The following LRRTM4 variants were observed in gnomAD, a reference collection of about 807,000 sequenced individuals.
The protein encoded by LRRTM4 is leucine-rich repeat transmembrane neuronal protein 4.
A neutral mutation model predicts 47.6 loss-of-function variants in LRRTM4; 25 were observed. The observed-to-expected ratio is 0.53, with a 90% CI of 0.38 to 0.73. The LOEUF is 0.73. Among genes scored for constraint, LRRTM4 ranks in the 30% least tolerant of loss-of-function variants. The pLI is 0.00. For missense variants in LRRTM4, 638 were observed against 713.4 expected, an observed-to-expected ratio of 0.89 and a Z score of 1.20; for synonymous variants, 311 against 269.5, an observed-to-expected ratio of 1.15 and a Z score of -1.51.
At chr2:77,505,590 T>G (rs937041951) in intron 3 of LRRTM4, among the ~76,000 whole-genome samples, 15 of 151,526 alleles carry the variant, frequency 9.9e-5, no homozygotes, top group African/African-American at 3.6e-4. Context: ...TGTAGAAGTA[T>G]AATAAATAAG....
chr2:77,248,243 A>G (rs966467512), intron 3 of LRRTM4, among the ~76,000 whole-genome samples: 10 of 151,736 alleles, frequency 6.6e-5, no homozygotes, highest in Admixed American at 5.3e-4. Flanking sequence ...GTGTGTTTGT[A>G]TATGTTTTTA....
At chr2:76,932,057 T>C (rs992270323) in intron 3 of LRRTM4, among the ~76,000 whole-genome samples, 1 of 152,164 alleles carries the variant, frequency 6.6e-6, no homozygotes, top group African/African-American at 2.4e-5. Flanking sequence ...CTACTGTGTT[T>C]CTCCCATCTT....
chr2:76,993,286 G>C (rs979761237), intron 3 of LRRTM4, among the ~76,000 whole-genome samples: 5 of 151,646 alleles, frequency 3.3e-5, no homozygotes, highest in African/African-American at 1.2e-4. Flanking sequence ...CTAATTAAAG[G>C]AGCTTTTGCA....
chr2:77,169,764 C>T (rs974469689), intron 3 of LRRTM4, among the ~76,000 whole-genome samples: 1 of 152,162 alleles, frequency 6.6e-6, no homozygotes, highest in Non-Finnish European at 1.5e-5. Context: ...CCACATAAGT[C>T]TCTGTTCATT....
At chr2:77,303,940 T>C (rs890437925) in intron 3 of LRRTM4, among the ~76,000 whole-genome samples, 1 of 152,190 alleles carries the variant, frequency 6.6e-6, no homozygotes, top group African/African-American at 2.4e-5. Context: ...ATCTCATCAA[T>C]ATACTGACTT....
chr2:76,907,812 A>T (rs943200812), intron 3 of LRRTM4, among the ~76,000 whole-genome samples: 1 of 137,272 alleles, frequency 7.3e-6, no homozygotes, highest in African/African-American at 3.0e-5. Flanking sequence ...GAATCTCTGA[A>T]TAGACCAATA....
At chr2:77,126,053 G>T (rs1243582648) in intron 3 of LRRTM4, among the ~76,000 whole-genome samples, 2 of 151,592 alleles carry the variant, frequency 1.3e-5, no homozygotes, top group South Asian at 4.2e-4. Context: ...GGGTAGAAGT[G>T]AAATAAATGC....
chr2:76,852,155 G>A (rs952794869), intron 3 of LRRTM4, among the ~76,000 whole-genome samples: 1 of 152,016 alleles, frequency 6.6e-6, no homozygotes, highest in Non-Finnish European at 1.5e-5. Flanking sequence ...ATTGAAAATT[G>A]CACAATAAGA....
intron 3 of LRRTM4, among the ~76,000 whole-genome samples, chr2:76,795,804 AGGGAG>A (rs1170162465): frequency 2.6e-5 from 4 of 151,976 alleles, no homozygotes; most frequent in African/African-American, 9.7e-5. Flanking sequence ...AGAAAAGTGA[AGGGAG>A]GAGCCAAGAT....
intron 3 of LRRTM4, among the ~76,000 whole-genome samples, chr2:77,089,147 G>T (rs1680835757): frequency 6.6e-6 from 1 of 151,990 alleles, no homozygotes; most frequent in South Asian, 2.1e-4. Context: ...CGCTTTTCTG[G>T]GGAAGGGGCA....
At position 77,160,084 on chromosome 2, in the gene LRRTM4, C is replaced by A. The variant is rs558176245; in HGVS notation, c.1551+358234G>T. Among the ~76,000 whole-genome samples, 4 of 152,260 alleles carry A rather than the reference C, an allele frequency of 2.6e-5. No homozygotes were observed. In the East Asian group the frequency reaches 7.7e-4, roughly 29 times the overall value. ...TCTTGAATTTCTCCAAGATGCATAT[C>A]TTCAAACCTTTCAGCCCTCACCTTT... On this transcript the variant is annotated intron_variant, in intron 3 of 3. Transcript: ENST00000409884.
At chr2:76,974,493 A>G (rs1169012968) in intron 3 of LRRTM4, among the ~76,000 whole-genome samples, 1 of 150,138 alleles carries the variant, frequency 6.7e-6, no homozygotes, top group Non-Finnish European at 1.5e-5. Context: ...TATCTATACA[A>G]ACTTGTAATA....
intron 3 of LRRTM4, among the ~76,000 whole-genome samples, chr2:77,004,068 G>T (rs1677539174): frequency 6.6e-6 from 1 of 152,150 alleles, no homozygotes; most frequent in South Asian, 2.1e-4. Flanking sequence ...AAATTTCTAA[G>T]TAGCAAAGTG....
At chr2:77,360,522 GATACGATACGATACAATACA>G (rs1672161262) in intron 3 of LRRTM4, among the ~76,000 whole-genome samples, 1 of 143,940 alleles carries the variant, frequency 6.9e-6, no homozygotes, top group African/African-American at 2.6e-5. Flanking sequence ...GATACGATAC[GATACGATACGATACAATACA>G]ATCATTCATA....
intron 3 of LRRTM4, among the ~76,000 whole-genome samples, chr2:76,781,233 G>C (rs1674368729): frequency 6.6e-6 from 1 of 152,258 alleles, no homozygotes; most frequent in Admixed American, 6.5e-5. Context: ...CCCCAGAGGT[G>C]GAGCCTACAG....
Position 76,907,520 on chromosome 2 carries a change from C to CA in LRRTM4, c.1552-158605dup, listed in dbSNP as rs980992663. Reference sequence around the variant, plus strand: ...AGCAGAACTGAAGGAAATAGAGACACAAAAAACCCTTCAAAAAGTTAATGA... The same window carrying CA: ...AGCAGAACTGAAGGAAATAGAGACACAAAAAAACCCTTCAAAAAGTTAATGA... On this transcript the variant is annotated intron_variant, in intron 3 of 3. Transcript: ENST00000409884. Among the ~76,000 whole-genome samples, 102 of 146,300 alleles carry CA rather than the reference C, an allele frequency of 7.0e-4. 1 individual carries two copies. The highest frequency in any genetic ancestry group is 2.4e-3 in the Admixed American group (34 of 14,344).
chr2:77,222,470 A>G (rs1347264565), intron 3 of LRRTM4, among the ~76,000 whole-genome samples: 1 of 152,196 alleles, frequency 6.6e-6, no homozygotes, highest in African/African-American at 2.4e-5. Context: ...CAAGGTTAAT[A>G]AAGAAGAAAA....
intron 3 of LRRTM4, among the ~76,000 whole-genome samples, chr2:76,829,306 A>G (rs1671269771): frequency 6.6e-6 from 1 of 151,966 alleles, no homozygotes; most frequent in Non-Finnish European, 1.5e-5. Context: ...TGCAGGAAGA[A>G]CTAGAAGTAG....
chr2:77,158,349 C>G (rs1672618129), intron 3 of LRRTM4, among the ~76,000 whole-genome samples: 1 of 152,142 alleles, frequency 6.6e-6, no homozygotes, highest in Non-Finnish European at 1.5e-5. Context: ...TCAAATTTTA[C>G]ATATGTGGTT....
Sources: gnomAD v4.1 joint callset for allele counts (sites outside exome capture counted in the v4.1 genomes callset) on GRCh38, gnomAD v4.1.1 for gene constraint, MANE v1.5 for transcripts, NCBI Gene and HGNC (gene_info 2026-07-23, HGNC 2026-07-21) for gene names.